The following LPP variants were observed in gnomAD, a reference collection of about 807,000 sequenced individuals.
The protein encoded by LPP is LIM domain containing preferred translocation partner in lipoma.
In LPP, 38 loss-of-function variants were observed where a neutral mutation model predicts 60.4. That is an observed-to-expected ratio of 0.63 (90% CI 0.49 to 0.83). LPP has a LOEUF of 0.83. LPP is among the 40% of genes least tolerant of loss of function. The pLI, the probability that LPP is intolerant of heterozygous loss-of-function variation, is 0.00. For missense variants in LPP, 902 were observed against 783.6 expected (o/e 1.15, Z -1.80); for synonymous variants, 328 against 290.8 (o/e 1.13, Z -1.30).
intron 3 of LPP, among the ~76,000 whole-genome samples, chr3:188,368,451 T>C (rs528543068): frequency 1.3e-5 from 2 of 151,862 alleles, no homozygotes; most frequent in African/African-American, 4.8e-5. Flanking sequence ...TCCTCAGAGA[T>C]CTTGTCCAAG....
chr3:188,161,904 G>T (rs1020787220), intron 1 of LPP, among the ~76,000 whole-genome samples: 4 of 152,194 alleles, frequency 2.6e-5, no homozygotes, highest in African/African-American at 9.7e-5. Context: ...GCCATGGATG[G>T]CTGCCATTGA....
intron 8 of LPP, among the ~76,000 whole-genome samples, chr3:188,756,198 T>C (rs1730172424): frequency 6.6e-6 from 1 of 152,230 alleles, no homozygotes; most frequent in South Asian, 2.1e-4. Context: ...AGAAGAATTG[T>C]TGGCTGAATC....
chr3:188,279,948 C>G (rs7431283), intron 2 of LPP, among the ~76,000 whole-genome samples: 1 of 152,198 alleles, frequency 6.6e-6, no homozygotes, highest in Non-Finnish European at 1.5e-5. Flanking sequence ...GCTCCTCTTT[C>G]CTACCTGAGC....
intron 7 of LPP, among the ~76,000 whole-genome samples, chr3:188,682,161 T>G (rs2149375466): frequency 6.6e-6 from 1 of 152,344 alleles, no homozygotes; most frequent in East Asian, 1.9e-4. Flanking sequence ...CATGGCAAGA[T>G]TTGAATTCAG....
At chr3:188,371,642 T>TC (rs1553878070) in intron 3 of LPP, among the ~76,000 whole-genome samples, 1 of 16,238 alleles carries the variant, frequency 6.2e-5, no homozygotes, top group Non-Finnish European at 9.9e-5. Flanking sequence ...TATATATATA[T>TC]TTTTTTTTTT....
At position 188,875,905 on chromosome 3, in the gene LPP, T is replaced by G. The variant is rs1264942319; in HGVS notation, c.*1426T>G. ...ATTTTGTAAACTAAGGATTTTGGAC[T>G]GAGATTTCTTAAATCTTTCTTCAAA... On this transcript the variant is annotated 3_prime_UTR_variant, in exon 12 of 12. Transcript: ENST00000617246. 7 of 186,636 alleles carry G rather than the reference T, an allele frequency of 3.8e-5. No homozygotes were observed. The Admixed American group carries it at 4.3e-4, about 12-fold the overall frequency. The allele number at this position is 186,636 out of a possible 1,614,324, so 11.6% of individuals were successfully genotyped here.
At chr3:188,739,419 G>C (rs1033370289) in intron 8 of LPP, among the ~76,000 whole-genome samples, 1 of 152,080 alleles carries the variant, frequency 6.6e-6, no homozygotes, top group African/African-American at 2.4e-5. Flanking sequence ...CCAGAATGCA[G>C]AAATAACTCA....
intron 9 of LPP, among the ~76,000 whole-genome samples, chr3:188,826,775 C>T (rs1196193741): frequency 2.0e-5 from 3 of 151,782 alleles, no homozygotes; most frequent in South Asian, 2.1e-4. Context: ...ATCTCTGGAC[C>T]CCCCCCACTC....
At chr3:188,628,568 A>G (rs1311948117) in intron 7 of LPP, among the ~76,000 whole-genome samples, 2 of 152,152 alleles carry the variant, frequency 1.3e-5, no homozygotes, top group Non-Finnish European at 2.9e-5. Context: ...AAAATCCTGA[A>G]TAGACCAATA....
At chr3:188,522,813 A>ATATG (rs1553920207) in intron 5 of LPP, among the ~76,000 whole-genome samples, 1 of 129,336 alleles carries the variant, frequency 7.7e-6, no homozygotes, top group Non-Finnish European at 1.7e-5. Flanking sequence ...ATATATATAT[A>ATATG]TATGTGTATG....
At chr3:188,818,727 C>T (rs73199023) in intron 9 of LPP, among the ~76,000 whole-genome samples, 1,904 of 152,234 alleles carry the variant, frequency 0.013, 25 homozygotes, top group Non-Finnish European at 0.02. Context: ...AATTGCTTAA[C>T]CTCTCCGAGG....
chr3:188,278,661 T>C (rs1213738829), intron 2 of LPP, among the ~76,000 whole-genome samples: 2 of 152,214 alleles, frequency 1.3e-5, no homozygotes, highest in Non-Finnish European at 2.9e-5. Context: ...GGTGTTTCTC[T>C]ACACTTAGTG....
At chr3:188,604,010 G>A (rs367745139) in intron 6 of LPP, among the ~76,000 whole-genome samples, 3 of 152,152 alleles carry the variant, frequency 2.0e-5, no homozygotes, top group African/African-American at 7.2e-5. Context: ...TTTGAATTTC[G>A]TGCTGCTGTT....
chr3:188,573,932 G>T (rs1318009287), intron 6 of LPP, among the ~76,000 whole-genome samples: 2 of 152,184 alleles, frequency 1.3e-5, no homozygotes, highest in African/African-American at 2.4e-5. Flanking sequence ...TTCTTGTAAT[G>T]TAAGGGGGAA....
Position 188,730,065 on chromosome 3 carries a change from A to C in LPP, c.1240+21672A>C, listed in dbSNP as rs80142853. 7.3e-3 allele frequency among the ~76,000 whole-genome samples: 1,111 copies of C among 152,344 alleles called. 15 individuals carry two copies. Among genetic ancestry groups the C allele is most frequent in the African/African-American group, 0.026 (1,063 of 41,586 alleles). Reference sequence around the variant, plus strand: ...TGGCCATGATGTTTTAAAAGTACATATATACACACATATAGATTTAAAGAT... The same window carrying C: ...TGGCCATGATGTTTTAAAAGTACATCTATACACACATATAGATTTAAAGAT... On this transcript the variant is annotated intron_variant, in intron 8 of 11. Transcript: ENST00000617246.
intron 8 of LPP, chr3:188,712,229 G>A (rs1206667094): frequency 6.6e-6 from 1 of 152,246 alleles, no homozygotes; most frequent in Non-Finnish European, 1.5e-5. Context: ...ATGAAATCAA[G>A]AGGCAAAGGA....
intron 2 of LPP, among the ~76,000 whole-genome samples, chr3:188,292,839 A>C (rs1746474167): frequency 6.6e-6 from 1 of 152,104 alleles, no homozygotes; most frequent in Non-Finnish European, 1.5e-5. Flanking sequence ...TGACCCCTTG[A>C]CTTTCCATTT....
At chr3:188,817,838 G>A (rs1345376521) in intron 9 of LPP, among the ~76,000 whole-genome samples, 6 of 152,190 alleles carry the variant, frequency 3.9e-5, no homozygotes, top group Non-Finnish European at 8.8e-5. Flanking sequence ...TGGGCTCACC[G>A]CAAAGGAATG....
intron 9 of LPP, among the ~76,000 whole-genome samples, chr3:188,805,112 G>A (rs1278924387): frequency 1.3e-5 from 2 of 151,916 alleles, no homozygotes; most frequent in African/African-American, 4.8e-5. Context: ...AGTTTGTTGA[G>A]GATTTTTGCA....
Sources: allele counts gnomAD v4.1 joint callset (sites outside exome capture counted in the v4.1 genomes callset), GRCh38; gene constraint gnomAD v4.1.1; transcripts MANE v1.5; gene names NCBI Gene and HGNC (gene_info 2026-07-23, HGNC 2026-07-21).